Variants in COL26A1 observed in about 807,000 individuals in gnomAD.
COL26A1 encodes the protein collagen alpha-1(XXVI) chain.
A neutral mutation model predicts 59.3 loss-of-function variants in COL26A1; 41 were observed. The observed-to-expected ratio is 0.69, with a 90% CI of 0.54 to 0.90. The LOEUF (loss-of-function observed/expected upper bound fraction) is 0.90, where lower values mean the gene tolerates loss of function less well. Ranked by LOEUF, COL26A1 falls within the 40% of genes least tolerant of loss-of-function variation. COL26A1 has a pLI of 0.00. For synonymous variants in COL26A1, 266 were observed against 256.0 expected (o/e 1.04, Z -0.37); for missense variants, 612 against 602.3 (o/e 1.02, Z -0.17).
chr7:101,378,727 G>A (rs752298378), intron 1 of COL26A1, among the ~76,000 whole-genome samples: 1 of 152,000 alleles, frequency 6.6e-6, no homozygotes, highest in Non-Finnish European at 1.5e-5. Context: ...ATCTGTCTTT[G>A]TTTGCAAGAA....
At chr7:101,520,647 C>CACACACACACACACACACACACAT (rs1192314334) in intron 3 of COL26A1, among the ~76,000 whole-genome samples, 5 of 150,992 alleles carry the variant, frequency 3.3e-5, no homozygotes, top group African/African-American at 1.2e-4. Context: ...CACACACACA[C>CACACACACACACACACACACACAT]ACACACACAC....
At position 101,376,850 on chromosome 7, in the gene COL26A1, T is replaced by C. The variant is rs377022371; in HGVS notation, c.158+13660T>C. Among the ~76,000 whole-genome samples the C allele has an allele frequency of 2.0e-4, 30 of 152,170 alleles. No homozygotes were observed. In the East Asian group the frequency reaches 2.3e-3, roughly 12 times the overall value. The stretch of plus-strand genomic sequence containing the variant: ...GACTGAGGCTGAGGATTTATTTTCT[T>C]TATTTTATTTTCTTTATTTATTTTT... On this transcript the variant is annotated intron_variant, in intron 1 of 12. Transcript: ENST00000313669.
At chr7:101,524,288 C>T (rs13236381) in intron 3 of COL26A1, among the ~76,000 whole-genome samples, 35,510 of 150,288 alleles carry the variant, frequency 0.24, 4,244 homozygotes, top group Middle Eastern at 0.32. Context: ...AAAAAAAAAA[C>T]GACTATTGCA....
At chr7:101,370,147 C>G (rs769234025) in intron 1 of COL26A1, among the ~76,000 whole-genome samples, 5 of 152,080 alleles carry the variant, frequency 3.3e-5, no homozygotes, top group Non-Finnish European at 5.9e-5. Flanking sequence ...AGGCATGAAC[C>G]ACCGCGCCTG....
intron 2 of COL26A1, among the ~76,000 whole-genome samples, chr7:101,445,731 C>CAAAA (rs138245779): frequency 1.8e-4 from 7 of 38,440 alleles, no homozygotes; most frequent in African/African-American, 2.2e-4. Context: ...GACTCCGTCT[C>CAAAA]AAAAAAAAAA....
chr7:101,482,694 C>T (rs961655673), intron 3 of COL26A1, among the ~76,000 whole-genome samples: 3 of 152,152 alleles, frequency 2.0e-5, no homozygotes, highest in Admixed American at 1.3e-4. Context: ...GGGTGACTCA[C>T]GCCTGTAATC....
intron 3 of COL26A1, among the ~76,000 whole-genome samples, chr7:101,482,728 G>A (rs147713213): frequency 3.6e-4 from 55 of 152,204 alleles, no homozygotes; most frequent in African/African-American, 1.2e-3. Flanking sequence ...AGGCCGAGGC[G>A]GGTGGATTAC....
intron 12 of COL26A1, among the ~76,000 whole-genome samples, chr7:101,556,229 C>G (rs1185303722): frequency 6.6e-6 from 1 of 152,254 alleles, no homozygotes; most frequent in Non-Finnish European, 1.5e-5. Flanking sequence ...GAAGCCTTCT[C>G]TGAACCCTCC....
intron 3 of COL26A1, among the ~76,000 whole-genome samples, chr7:101,524,969 T>C (rs1795210485): frequency 1.3e-5 from 2 of 152,060 alleles, no homozygotes; most frequent in South Asian, 4.1e-4. Context: ...ACCCCCAGGG[T>C]TATAGACAGA....
intron 3 of COL26A1, among the ~76,000 whole-genome samples, chr7:101,455,988 G>GGA (rs1793462115): frequency 6.6e-6 from 1 of 151,996 alleles, no homozygotes; most frequent in Non-Finnish European, 1.5e-5. Flanking sequence ...ACCTGGCCTG[G>GGA]TAAGTTTCCT....
intron 1 of COL26A1, among the ~76,000 whole-genome samples, chr7:101,401,542 AGAGGAAGAGTAG>A (rs1562963204): frequency 6.8e-6 from 1 of 147,386 alleles, no homozygotes; most frequent in Non-Finnish European, 1.5e-5. Flanking sequence ...AGGAGGAGGA[AGAGGAAGAGTAG>A]GAGGAAGAAG....
intron 3 of COL26A1, among the ~76,000 whole-genome samples, chr7:101,525,558 A>G (rs1394643545): frequency 7.0e-6 from 1 of 143,046 alleles, no homozygotes; most frequent in African/African-American, 2.6e-5. Context: ...GTGCAGTGGC[A>G]TGATCTTGGC....
In COL26A1 at chr7:101,555,835, C is replaced by T. The variant is rs373296350; in HGVS notation, c.1129C>T (p.Arg377Ter). The T allele has an allele frequency of 3.4e-5, 55 of 1,611,814 alleles. No individual in the cohort carries two copies. Among genetic ancestry groups the T allele is most frequent in the Non-Finnish European group, 4.5e-5 (53 of 1,179,266 alleles). ...LREALKILAE[R>*]VLILEHMIGI... ...AGAGGCCCTGAAGATCCTGGCAGAG[C>T]GAGTCCTCATCCTGGAGCACATGAT... The change falls in exon 12 of 13, where the codon CGA (arginine) becomes TGA (stop). Residue 377 changes from arginine to a stop codon, truncating the protein, a stop_gained. Coordinates refer to ENST00000313669, the MANE Select transcript of COL26A1 (RefSeq NM_001278563.3). LOFTEE classifies it high-confidence loss of function.
At chr7:101,394,593 T>C (rs1791810327) in intron 1 of COL26A1, among the ~76,000 whole-genome samples, 1 of 146,410 alleles carries the variant, frequency 6.8e-6, no homozygotes, top group Non-Finnish European at 1.5e-5. Flanking sequence ...TTCTTTTTTT[T>C]TTTTTTTTTT....
At chr7:101,421,245 C>T (rs1309546116) in intron 2 of COL26A1, among the ~76,000 whole-genome samples, 1 of 152,134 alleles carries the variant, frequency 6.6e-6, no homozygotes, top group African/African-American at 2.4e-5. Flanking sequence ...GATGTTGCAG[C>T]TTGAGATGGG....
chr7:101,432,869 AT>A (rs1268628711), intron 2 of COL26A1, among the ~76,000 whole-genome samples: 1 of 151,720 alleles, frequency 6.6e-6, no homozygotes, highest in African/African-American at 2.4e-5. Flanking sequence ...CACCTGGCTA[AT>A]TTTGTATTTT....
At chr7:101,439,676 G>A (rs1002022941) in intron 2 of COL26A1, among the ~76,000 whole-genome samples, 6 of 152,016 alleles carry the variant, frequency 3.9e-5, no homozygotes, top group African/African-American at 1.2e-4. Flanking sequence ...GGCAGAGCCC[G>A]TGGGCCATAG....
At position 101,442,781 on chromosome 7, in the gene COL26A1, C is replaced by T. The variant is rs117132843; in HGVS notation, c.282-4903C>T. Among the ~76,000 whole-genome samples, 1,375 of 152,178 alleles carry T rather than the reference C, an allele frequency of 9.0e-3. 11 individuals carry two copies. The highest frequency in any genetic ancestry group is 0.016 in the South Asian group (75 of 4,818). Reference sequence around the variant, plus strand: ...AGGTGCATGTGTGTGTACATAATTGCGTACAAGTGTGTGACTGTGAGTGTG... The same window carrying T: ...AGGTGCATGTGTGTGTACATAATTGTGTACAAGTGTGTGACTGTGAGTGTG... On this transcript the variant is annotated intron_variant, in intron 2 of 12. Coordinates refer to ENST00000313669, the MANE Select transcript of COL26A1 (RefSeq NM_001278563.3).
intron 3 of COL26A1, among the ~76,000 whole-genome samples, chr7:101,463,516 CCCCCCTCTT>C (rs1427911133): frequency 2.1e-5 from 2 of 95,924 alleles, no homozygotes; most frequent in East Asian, 3.5e-4. Context: ...CCCTTCCCTT[CCCCCCTCTT>C]CCCCCTCTTC....
Sources: gnomAD v4.1 joint callset for allele counts (sites outside exome capture counted in the v4.1 genomes callset) on GRCh38, gnomAD v4.1.1 for gene constraint, MANE v1.5 for transcripts, NCBI Gene and HGNC (gene_info 2026-07-23, HGNC 2026-07-21) for gene names.